Variants in STXBP5L observed in about 807,000 individuals in gnomAD.
The protein encoded by STXBP5L is syntaxin-binding protein 5-like.
A neutral mutation model predicts 144.5 loss-of-function variants in STXBP5L; 65 were observed. The observed-to-expected ratio is 0.45, with a 90% confidence interval of 0.37 to 0.55. The LOEUF (loss-of-function observed/expected upper bound fraction) is 0.55. STXBP5L is among the 20% of genes least tolerant of loss of function. The pLI, the probability that STXBP5L is intolerant of heterozygous loss-of-function variation, is 0.00. For synonymous variants in STXBP5L, 505 were observed against 469.6 expected (o/e 1.08, Z -0.97); for missense variants, 1,298 against 1,405.5 (o/e 0.92, Z 1.22).
chr3:121,346,519 A>T (rs1359390115), intron 20 of STXBP5L, among the ~76,000 whole-genome samples: 1 of 152,162 alleles, frequency 6.6e-6, no homozygotes, highest in Non-Finnish European at 1.5e-5. Context: ...TCCCTGAGGA[A>T]TCGCCACACT....
At chr3:120,985,746 C>G (rs761348725) in intron 3 of STXBP5L, among the ~76,000 whole-genome samples, 1 of 151,776 alleles carries the variant, frequency 6.6e-6, no homozygotes, top group Non-Finnish European at 1.5e-5. Flanking sequence ...CTTTTTATTT[C>G]TGTATAATGA....
chr3:121,036,222 A>G (rs2107528774), intron 3 of STXBP5L, among the ~76,000 whole-genome samples: 2 of 152,128 alleles, frequency 1.3e-5, no homozygotes, highest in African/African-American at 2.4e-5. Flanking sequence ...AATCCCACTT[A>G]CTTGGGAAGC....
intron 3 of STXBP5L, among the ~76,000 whole-genome samples, chr3:121,018,130 C>A (rs1560008200): frequency 6.6e-6 from 1 of 152,042 alleles, no homozygotes; most frequent in Non-Finnish European, 1.5e-5. Flanking sequence ...ACATGGATAG[C>A]AATATTCAAT....
intron 3 of STXBP5L, among the ~76,000 whole-genome samples, chr3:120,982,369 T>A (rs1449669520): frequency 6.6e-6 from 1 of 152,172 alleles, no homozygotes; most frequent in African/African-American, 2.4e-5. Flanking sequence ...AGAGAAGACA[T>A]CAGCACTGAC....
chr3:121,018,408 A>G (rs1158073699), intron 3 of STXBP5L, among the ~76,000 whole-genome samples: 1 of 152,152 alleles, frequency 6.6e-6, no homozygotes, highest in East Asian at 1.9e-4. Flanking sequence ...TAACACCAAA[A>G]TAGATCTGTA....
chr3:121,125,456 G>C (rs753854363), intron 7 of STXBP5L, among the ~76,000 whole-genome samples: 9 of 151,732 alleles, frequency 5.9e-5, no homozygotes, highest in Non-Finnish European at 1.2e-4. Flanking sequence ...GGGCAACAGA[G>C]CAAGACTCCA....
intron 7 of STXBP5L, among the ~76,000 whole-genome samples, chr3:121,129,426 C>CAA (rs75294351): frequency 2.8e-4 from 33 of 116,122 alleles, no homozygotes; most frequent in African/African-American, 3.9e-4. Flanking sequence ...GTAGGTTTTG[C>CAA]AAAAAAAAAA....
chr3:120,980,767 T>G (rs1941685169), intron 3 of STXBP5L, among the ~76,000 whole-genome samples: 1 of 152,166 alleles, frequency 6.6e-6, no homozygotes. Flanking sequence ...CTTAGATGGT[T>G]TGCAATCTTG....
intron 14 of STXBP5L, among the ~76,000 whole-genome samples, chr3:121,248,066 CTTT>C (rs985599908): frequency 6.6e-6 from 1 of 150,980 alleles, no homozygotes; most frequent in East Asian, 1.9e-4. Context: ...TTTTTTTCTT[CTTT>C]TTTTTGATTT....
intron 5 of STXBP5L, among the ~76,000 whole-genome samples, chr3:121,054,114 G>C (rs1362499215): frequency 6.6e-6 from 1 of 152,174 alleles, no homozygotes; most frequent in South Asian, 2.1e-4. Flanking sequence ...AGGATGTGGA[G>C]AAATAGGAAC....
At chr3:121,011,366 A>G (rs1381771278) in intron 3 of STXBP5L, among the ~76,000 whole-genome samples, 2 of 151,512 alleles carry the variant, frequency 1.3e-5, no homozygotes, top group African/African-American at 4.8e-5. Context: ...TACCTATTAG[A>G]TGAGTCCTGC....
chr3:121,161,535 G>T (rs942644057), intron 9 of STXBP5L, among the ~76,000 whole-genome samples: 7 of 151,266 alleles, frequency 4.6e-5, no homozygotes, highest in African/African-American at 9.7e-5. Flanking sequence ...TTCTGTTAAG[G>T]GTTCTACCAA....
intron 15 of STXBP5L, among the ~76,000 whole-genome samples, chr3:121,251,786 A>G (rs76702930): frequency 0.019 from 2,928 of 152,266 alleles, 88 homozygotes; most frequent in African/African-American, 0.066. Flanking sequence ...AGAAGGTTGA[A>G]TATTGATGAT....
chr3:121,018,079 A>AAATG lies in STXBP5L; in HGVS notation c.288-23598_288-23595dup, dbSNP rs767430655. ...GGGTGACAGAGGGAGGCCCTTTTTC[A>AAATG]AATGAATGAATGAATGAATGAATGA... On this transcript the variant is annotated intron_variant, in intron 3 of 26. Coordinates refer to ENST00000471454, the MANE Select transcript of STXBP5L (RefSeq NM_001308330.2). 1.2e-3 allele frequency among the ~76,000 whole-genome samples: 180 copies of AAATG among 149,084 alleles called. 1 individual carries two copies. The highest frequency in any genetic ancestry group is 6.8e-3 in the Middle Eastern group (2 of 292).
At position 121,407,534 on chromosome 3, in the gene STXBP5L, A is replaced by T; in HGVS notation, c.2879A>T (p.Asn960Ile). Residue 960 changes from asparagine (N) to isoleucine (I), a missense_variant, in exon 23 of 27, where the codon AAT becomes ATT. Transcript: ENST00000471454. Reference protein sequence around the residue: ...ITETSFILQANVVVMCSSACL... With the variant: ...ITETSFILQAIVVVMCSSACL... ...GAGACATCTTTTATACTGCAAGCAA[A>T]TGTGGTGGTCATGTGTAGCAGTGCC... The T allele has an allele frequency of 1.2e-6, 2 of 1,613,420 alleles. No homozygotes were observed. Among genetic ancestry groups the T allele is most frequent in the Middle Eastern group, 3.3e-4 (2 of 6,062 alleles).
Position 121,196,835 on chromosome 3 carries a change from TATTGATTG to T in STXBP5L, c.878-9062_878-9055del, listed in dbSNP as rs34277105. Among the ~76,000 whole-genome samples, 413 of 148,720 alleles carry T rather than the reference TATTGATTG, an allele frequency of 2.8e-3. 1 individual carries two copies. Among genetic ancestry groups the T allele is most frequent in the African/African-American group, 9.3e-3 (377 of 40,364 alleles). ...CAGGCCTTTGCTACCATGCCCAGAT[TATTGATTG>T]ATTGATTGATTGATTGATTGATTGA... On this transcript the variant is annotated intron_variant, in intron 9 of 26. Coordinates refer to ENST00000471454, the MANE Select transcript of STXBP5L (RefSeq NM_001308330.2).
chr3:121,332,881 G>T (rs1444862721), intron 20 of STXBP5L, among the ~76,000 whole-genome samples: 3 of 151,984 alleles, frequency 2.0e-5, no homozygotes, highest in Non-Finnish European at 2.9e-5. Context: ...AAAGCATCAG[G>T]TAACCTATAC....
intron 20 of STXBP5L, among the ~76,000 whole-genome samples, chr3:121,373,012 T>C (rs2046077702): frequency 6.6e-6 from 1 of 152,236 alleles, no homozygotes; most frequent in Non-Finnish European, 1.5e-5. Flanking sequence ...TTGCTTAATA[T>C]ATCCAAGAGT....
At chr3:121,172,499 C>A (rs2046763790) in intron 9 of STXBP5L, among the ~76,000 whole-genome samples, 1 of 151,922 alleles carries the variant, frequency 6.6e-6, no homozygotes, top group South Asian at 2.1e-4. Context: ...TAAAAAACAA[C>A]CCCATCAAAA....
Sources: allele counts gnomAD v4.1 joint callset (sites outside exome capture counted in the v4.1 genomes callset), GRCh38; gene constraint gnomAD v4.1.1; transcripts MANE v1.5; gene names NCBI Gene and HGNC (gene_info 2026-07-23, HGNC 2026-07-21).